LARS1: variants seen among roughly 807,000 people sequenced by gnomAD.
The protein encoded by LARS1 is leucine--tRNA ligase, cytoplasmic.
A neutral mutation model predicts 162.8 loss-of-function variants in LARS1; 100 were observed. The ratio of observed to expected loss-of-function variants is 0.61; its 90% confidence interval spans 0.52 to 0.73. The LOEUF is 0.73. Among genes scored for constraint, LARS1 ranks in the 30% least tolerant of loss-of-function variants. LARS1 has a pLI of 0.00. For synonymous variants in LARS1, 457 were observed against 462.8 expected (o/e 0.99, Z 0.16); for missense variants, 1,258 against 1,408.9 (o/e 0.89, Z 1.71).
intron 27 of LARS1, among the ~76,000 whole-genome samples, chr5:146,128,431 A>T (rs1230226825): frequency 6.6e-6 from 1 of 152,160 alleles, no homozygotes; most frequent in Non-Finnish European, 1.5e-5. Context: ...TTTTGATTAC[A>T]TTCAACTAGA....
chr5:146,140,089 G>A, intron 21 of LARS1, 115 bp downstream of exon 21: 3 of 786,010 alleles, frequency 3.8e-6, no homozygotes, highest in Non-Finnish European at 6.4e-6. Flanking sequence ...TTACAGGCAT[G>A]AGGCACCACA....
At position 146,159,480 on chromosome 5, in the gene LARS1, A is replaced by T. The variant is rs1219887621; in HGVS notation, c.708-10T>A. On this transcript the variant is annotated splice_polypyrimidine_tract_variant and intron_variant, in intron 7 of 31. Transcript: ENST00000394434. ...AGAGTAAATTGTATACCTAAAAAAT[A>T]AACAAAAAGTGACAAACATTATTAT... The T allele has an allele frequency of 1.3e-6, 2 of 1,596,498 alleles. No individual in the cohort carries two copies. Among genetic ancestry groups the T allele is most frequent in the Admixed American group, 1.7e-5 (1 of 59,950 alleles).
intron 5 of LARS1, among the ~76,000 whole-genome samples, 181 bp downstream of exon 5, chr5:146,167,947 G>C (rs542664264): frequency 6.8e-4 from 104 of 152,362 alleles, no homozygotes; most frequent in African/African-American, 2.1e-3. Context: ...GCCTCCCAAA[G>C]TGCTGGGATT....
At chr5:146,175,773 A>C (rs1225348951) in intron 2 of LARS1, among the ~76,000 whole-genome samples, 1 of 151,478 alleles carries the variant, frequency 6.6e-6, no homozygotes, top group African/African-American at 2.4e-5. Flanking sequence ...GCTTGCAGTG[A>C]GCCGAGATTG....
chr5:146,114,563 A>G (rs1764115350), intron 31 of LARS1, among the ~76,000 whole-genome samples: 1 of 151,666 alleles, frequency 6.6e-6, no homozygotes, highest in Non-Finnish European at 1.5e-5. Context: ...GCAAAACACC[A>G]TCTCTACTAA....
chr5:146,170,778 T>C (rs1212357087), intron 4 of LARS1, among the ~76,000 whole-genome samples: 1 of 151,302 alleles, frequency 6.6e-6, no homozygotes, highest in East Asian at 2.0e-4. Context: ...GCAGATTACC[T>C]GAGGTCAGGA....
intron 21 of LARS1, 99 bp from the exon 22 acceptor site, chr5:146,135,763 A>C: frequency 2.6e-6 from 2 of 767,660 alleles, no homozygotes; most frequent in Non-Finnish European, 2.1e-6. Flanking sequence ...CCAGATAAAA[A>C]CAAAAAAGAA....
intron 2 of LARS1, among the ~76,000 whole-genome samples, chr5:146,174,007 A>G (rs1007955735): frequency 6.6e-6 from 1 of 152,052 alleles, no homozygotes; most frequent in Non-Finnish European, 1.5e-5. Context: ...TCACTAAACA[A>G]AGCAGCTTTT....
intron 4 of LARS1, among the ~76,000 whole-genome samples, chr5:146,170,987 C>CTACAGGT (rs1429391596): frequency 6.6e-6 from 1 of 152,070 alleles, no homozygotes; most frequent in African/African-American, 2.4e-5. Flanking sequence ...GACTTTGTAA[C>CTACAGGT]TACAGGTGAA....
Position 146,152,126 on chromosome 5 carries a change from T to A in LARS1, c.1285-124A>T, listed in dbSNP as rs1753321027. The A allele has an allele frequency of 5.9e-5, 58 of 985,938 alleles. 1 individual carries two copies. The South Asian group carries it at 8.1e-4, about 14-fold the overall frequency. The allele number at this position is 985,938 out of a possible 1,614,324, so 61.1% of individuals were successfully genotyped here. ...CAGATTGTATATGTCATTACGACAC[T>A]GCCACACATTAAGTAATCACAGAGT... On this transcript the variant is annotated intron_variant, in intron 13 of 31. Coordinates refer to ENST00000394434, the MANE Select transcript of LARS1 (RefSeq NM_020117.11).
intron 21 of LARS1, among the ~76,000 whole-genome samples, chr5:146,139,952 A>G (rs1363184233): frequency 6.6e-6 from 1 of 151,474 alleles, no homozygotes; most frequent in Non-Finnish European, 1.5e-5. Flanking sequence ...ACTCTGATTA[A>G]TTCATATTAT....
At chr5:146,146,531 C>CAAAAAAAAAAA (rs1753016209) in intron 15 of LARS1, among the ~76,000 whole-genome samples, 1 of 9,998 alleles carries the variant, frequency 1.0e-4, no homozygotes, top group Non-Finnish European at 1.7e-4. Context: ...TATGCCAGAA[C>CAAAAAAAAAAA]CAAAAAAAAA....
intron 20 of LARS1, among the ~76,000 whole-genome samples, chr5:146,142,490 T>C (rs2047339797): frequency 6.6e-6 from 1 of 152,102 alleles, no homozygotes; most frequent in Admixed American, 6.5e-5. Context: ...GACAGAAGGA[T>C]TACTCTGAAG....
chr5:146,137,994 G>A (rs1176922032), intron 21 of LARS1, among the ~76,000 whole-genome samples: 1 of 151,942 alleles, frequency 6.6e-6, no homozygotes, highest in Non-Finnish European at 1.5e-5. Flanking sequence ...ATCATGGCAG[G>A]CACCTGTAGT....
intron 23 of LARS1, chr5:146,131,486 G>GGTTTTTTTTTTTTTTTTTT (rs1561802916): frequency 8.4e-6 from 1 of 119,458 alleles, no homozygotes; most frequent in Non-Finnish European, 1.7e-5. Context: ...TTGTAGCCAA[G>GGTTTTTTTTTTTTTTTTTT]TTTTTTTTTT....
intron 1 of LARS1, chr5:146,179,532 T>C (rs1252137801): frequency 5.5e-6 from 1 of 182,740 alleles, no homozygotes; most frequent in African/African-American, 2.4e-5. Flanking sequence ...ATGTAGGGCC[T>C]CATGAAGCCT....
At chr5:146,177,501 T>TAC (rs778144559) in intron 2 of LARS1, 46 bp downstream of exon 2, 8 of 285,656 alleles carry the variant, frequency 2.8e-5, no homozygotes, top group Admixed American at 4.2e-5. Context: ...TATATATATA[T>TAC]ATATATAGAA....
intron 2 of LARS1, among the ~76,000 whole-genome samples, chr5:146,173,121 G>T (rs939640723): frequency 6.6e-6 from 1 of 152,114 alleles, no homozygotes; most frequent in African/African-American, 2.4e-5. Context: ...GCCAAGGCTG[G>T]TGGACTGCTT....
intron 28 of LARS1, 36 bp from the exon 29 acceptor site, chr5:146,124,122 A>G: frequency 1.7e-6 from 2 of 1,207,308 alleles, no homozygotes; most frequent in Non-Finnish European, 2.4e-6. Flanking sequence ...ACAAAATCAC[A>G]GTAAGAATAT....
Sources: allele counts gnomAD v4.1 joint callset (sites outside exome capture counted in the v4.1 genomes callset), GRCh38; gene constraint gnomAD v4.1.1; transcripts MANE v1.5; gene names NCBI Gene and HGNC (gene_info 2026-07-23, HGNC 2026-07-21).